The following XPOT variants were observed in gnomAD, a reference collection of about 807,000 sequenced individuals.
The protein encoded by XPOT is exportin-T.
XPOT carries 34 observed loss-of-function variants against 128.2 expected under a neutral mutation model. The ratio of observed to expected loss-of-function variants is 0.27; its 90% CI spans 0.20 to 0.35. XPOT has a LOEUF of 0.35. XPOT is among the 10% of genes least tolerant of loss of function. XPOT has a pLI of 1.00. For missense variants in XPOT, 838 were observed against 1,125.3 expected (o/e 0.74, Z 3.65); for synonymous variants, 348 against 394.3 (o/e 0.88, Z 1.39).
intron 18 of XPOT, 50 bp from the exon 19 acceptor site, chr12:64,433,364 G>A: frequency 6.8e-7 from 1 of 1,467,514 alleles, no homozygotes; most frequent in Non-Finnish European, 9.1e-7. Flanking sequence ...TTTCTAAGTT[G>A]TATGTTAATA....
At chr12:64,430,557 T>C (rs61504973) in intron 17 of XPOT, among the ~76,000 whole-genome samples, 1 of 151,822 alleles carries the variant, frequency 6.6e-6, no homozygotes, top group African/African-American at 2.4e-5. Context: ...TCAGCTGAAG[T>C]GTTAATATAC....
rs762536853 is a variant in XPOT, at chr12:64,431,533, T to A, written c.1977-5T>A. 6.2e-7 allele frequency: 1 copy of A among 1,610,824 alleles called. No individual in the cohort carries two copies. Among genetic ancestry groups the A allele is most frequent in the South Asian group, 1.1e-5 (1 of 91,000 alleles). On this transcript the variant is annotated splice_polypyrimidine_tract_variant and splice_region_variant and intron_variant, in intron 17 of 24. Transcript: ENST00000332707. ...CATCTGATTGCCTGATTTTTGCTTA[T>A]ATAGTCGAACCAGTAAAGCTTTCAG...
intron 22 of XPOT, among the ~76,000 whole-genome samples, chr12:64,438,195 C>T (rs1421082012): frequency 6.6e-6 from 1 of 152,168 alleles, no homozygotes; most frequent in African/African-American, 2.4e-5. Context: ...TTTAAACATA[C>T]AGAATTGAGT....
chr12:64,426,579 G>C (rs1565799554), intron 15 of XPOT, among the ~76,000 whole-genome samples: 1 of 152,128 alleles, frequency 6.6e-6, no homozygotes. Context: ...CTTCCTGTTG[G>C]GTACTGTGTT....
intron 11 of XPOT, among the ~76,000 whole-genome samples, chr12:64,423,819 G>T (rs2040165914): frequency 6.6e-6 from 1 of 152,060 alleles, no homozygotes; most frequent in Non-Finnish European, 1.5e-5. Flanking sequence ...AATATTATTG[G>T]TGATCATATT....
intron 2 of XPOT, among the ~76,000 whole-genome samples, chr12:64,411,613 C>T (rs1042558272): frequency 6.6e-6 from 1 of 152,120 alleles, no homozygotes; most frequent in Non-Finnish European, 1.5e-5. Flanking sequence ...ATTCAGTATC[C>T]ATTTAGCCAA....
intron 22 of XPOT, among the ~76,000 whole-genome samples, chr12:64,437,282 T>C (rs2136034603): frequency 6.6e-6 from 1 of 152,234 alleles, no homozygotes; most frequent in East Asian, 1.9e-4. Flanking sequence ...GACCAACACA[T>C]AAAAAACTCC....
chr12:64,410,757 A>C (rs1358444522), intron 2 of XPOT, among the ~76,000 whole-genome samples: 1 of 152,234 alleles, frequency 6.6e-6, no homozygotes, highest in South Asian at 2.1e-4. Context: ...GGATAAATGT[A>C]AACAATTAAA....
chr12:64,430,416 C>A (rs777166535), intron 17 of XPOT, 129 bp downstream of exon 17: 1 of 788,888 alleles, frequency 1.3e-6, no homozygotes, highest in African/African-American at 1.7e-5. Context: ...TCTTTGTCCT[C>A]CAAATCCAGT....
In XPOT at chr12:64,424,584, TA is replaced by T. The variant is rs761948823; in HGVS notation, c.1183-13del. On this transcript the variant is annotated splice_polypyrimidine_tract_variant and intron_variant, in intron 11 of 24. Transcript: ENST00000332707. ...CCATAAGTTTTTTGAATGAGGATTTTAACCTGTATCATAGGGTGAAGATGAA... is the reference window on the plus strand; with the variant it reads ...CCATAAGTTTTTTGAATGAGGATTTTACCTGTATCATAGGGTGAAGATGAA... 25 of 1,611,208 alleles carry T rather than the reference TA, an allele frequency of 1.6e-5. No individual in the cohort carries two copies. Among genetic ancestry groups the T allele is most frequent in the Admixed American group, 1.2e-4 (7 of 59,886 alleles).
intron 1 of XPOT, among the ~76,000 whole-genome samples, chr12:64,406,358 G>A (rs1231643742): frequency 6.6e-6 from 1 of 151,768 alleles, no homozygotes; most frequent in African/African-American, 2.4e-5. Context: ...ACAGGCGTGA[G>A]CCACCGTGCC....
chr12:64,415,830 A>G (rs1443029764), intron 3 of XPOT, among the ~76,000 whole-genome samples: 1 of 152,160 alleles, frequency 6.6e-6, no homozygotes, highest in East Asian at 1.9e-4. Flanking sequence ...TACAATTTCT[A>G]GCATGGGTCT....
At chr12:64,434,667 C>A (rs1199944725) in intron 20 of XPOT, 44 bp downstream of exon 20, 2 of 1,573,546 alleles carry the variant, frequency 1.3e-6, no homozygotes, top group Admixed American at 3.3e-5. Context: ...CAAACTCTTT[C>A]ATAAAACTCT....
chr12:64,445,577 A>G (rs2040361180), intron 24 of XPOT, among the ~76,000 whole-genome samples: 2 of 152,160 alleles, frequency 1.3e-5, no homozygotes, highest in South Asian at 4.1e-4. Context: ...TTAACTCTGT[A>G]AATCAACAAA....
chr12:64,416,356 G>A (rs772574326), intron 3 of XPOT, among the ~76,000 whole-genome samples: 3 of 152,140 alleles, frequency 2.0e-5, no homozygotes, highest in Non-Finnish European at 2.9e-5. Context: ...CACCTAACCT[G>A]TTATTGTAAA....
At chr12:64,429,030 C>T (rs576844487) in intron 16 of XPOT, among the ~76,000 whole-genome samples, 61 of 152,258 alleles carry the variant, frequency 4.0e-4, no homozygotes, top group Middle Eastern at 6.8e-3. Flanking sequence ...TGATAAAAAA[C>T]GGCAATGGGT....
In XPOT at chr12:64,406,989, T is replaced by G. The variant is rs374481786; in HGVS notation, c.-75+2185T>G. 2.2e-4 allele frequency among the ~76,000 whole-genome samples: 33 copies of G among 152,320 alleles called. 1 individual carries two copies. The South Asian group carries it at 6.8e-3, about 32-fold the overall frequency. On this transcript the variant is annotated intron_variant, in intron 1 of 24. Coordinates refer to ENST00000332707, the MANE Select transcript of XPOT (RefSeq NM_007235.6). ...CCATGCTCTGCATACCTTATCTCTT[T>G]GAAGCCTTTACAACTTTATGAGGCA... is the stretch of plus-strand genomic sequence containing the variant.
intron 6 of XPOT, among the ~76,000 whole-genome samples, 160 bp from the exon 7 acceptor site, chr12:64,419,910 A>G (rs2040122514): frequency 6.6e-6 from 1 of 152,246 alleles, no homozygotes; most frequent in Non-Finnish European, 1.5e-5. Flanking sequence ...GAAAGAGGAA[A>G]TACAAAGAAT....
chr12:64,432,921 C>A (rs1426327690), intron 18 of XPOT, among the ~76,000 whole-genome samples: 2 of 152,166 alleles, frequency 1.3e-5, no homozygotes, highest in East Asian at 3.9e-4. Flanking sequence ...GATCTTGAGT[C>A]TTTTAGTAAT....
Sources: gnomAD v4.1 joint callset for allele counts (sites outside exome capture counted in the v4.1 genomes callset) on GRCh38, gnomAD v4.1.1 for gene constraint, MANE v1.5 for transcripts, NCBI Gene and HGNC (gene_info 2026-07-23, HGNC 2026-07-21) for gene names.